KAZN: variants seen among roughly 807,000 people sequenced by gnomAD.
The protein encoded by KAZN is kazrin.
In KAZN, 40 loss-of-function variants were observed where a neutral mutation model predicts 87.4. The observed-to-expected ratio is 0.46, with a 90% CI of 0.36 to 0.60. KAZN has a LOEUF of 0.60. Ranked by LOEUF, KAZN falls within the 20% of genes least tolerant of loss-of-function variation. KAZN has a pLI of 0.00. For synonymous variants in KAZN, 466 were observed against 458.3 expected, an observed-to-expected ratio of 1.02 and a Z score of -0.22; for missense variants, 898 against 1,073.9, an observed-to-expected ratio of 0.84 and a Z score of 2.29.
intron 1 of KAZN, among the ~76,000 whole-genome samples, chr1:14,842,780 A>T (rs1466560124): frequency 1.3e-5 from 2 of 152,354 alleles, no homozygotes; most frequent in East Asian, 3.9e-4. Flanking sequence ...AAAGTAATAC[A>T]TGCACATAAT....
chr1:15,041,617 A>G (rs1672942366), intron 3 of KAZN, among the ~76,000 whole-genome samples: 1 of 152,068 alleles, frequency 6.6e-6, no homozygotes, highest in Non-Finnish European at 1.5e-5. Flanking sequence ...GACTACAGGC[A>G]TGAGCCACTG....
chr1:14,382,564 C>A (rs1414681068), intron 2 of KAZN, among the ~76,000 whole-genome samples: 1 of 146,104 alleles, frequency 6.8e-6, no homozygotes, highest in African/African-American at 2.5e-5. Flanking sequence ...TGAGAATATG[C>A]GGTGTTTGGT....
intron 1 of KAZN, among the ~76,000 whole-genome samples, chr1:14,883,353 A>AG (rs1557586348): frequency 0.017 from 622 of 35,770 alleles, 161 homozygotes; most frequent in Admixed American, 0.03. Flanking sequence ...AAAGAAAGAA[A>AG]GAAAAGAAAG....
At chr1:14,390,621 G>A (rs750331910) in intron 2 of KAZN, 4 of 152,314 alleles carry the variant, frequency 2.6e-5, no homozygotes, top group Admixed American at 6.5e-5. Context: ...CAGAGAGGTG[G>A]TGTCTTAGTC....
intron 1 of KAZN, among the ~76,000 whole-genome samples, chr1:14,720,439 G>A (rs565178731): frequency 6.6e-6 from 1 of 152,238 alleles, no homozygotes; most frequent in East Asian, 1.9e-4. Context: ...TGCCCCAAAA[G>A]GTTCTTGTCT....
In KAZN at chr1:15,094,457, C is replaced by G. The variant is rs1640710448; in HGVS notation, c.1428+72C>G. 7.3e-7 allele frequency: 1 copy of G among 1,375,208 alleles called. No individual in the cohort carries two copies. Among genetic ancestry groups the G allele is most frequent in the Non-Finnish European group, 1.0e-6 (1 of 997,802 alleles). 85.2% of individuals were successfully genotyped at this position (1,375,208 alleles called of 1,614,324 possible). A position where few individuals can be genotyped will look rare whatever the true frequency, so the allele number is the denominator to read the frequency against. On this transcript the variant is annotated intron_variant, in intron 9 of 14. Coordinates refer to ENST00000376030, the MANE Select transcript of KAZN (RefSeq NM_201628.3). This position sits in a 1 kb window ranked among gnomAD's most constrained non-coding sequence, Gnocchi z 4.5. ...GAGCTTTACGTACCCAGAAGCTGGC[C>G]TGCCCCCCACTCCTACCCTGGAGTC...
intron 2 of KAZN, among the ~76,000 whole-genome samples, chr1:14,579,770 A>G (rs1005489306): frequency 3.9e-5 from 6 of 152,182 alleles, no homozygotes; most frequent in Non-Finnish European, 8.8e-5. Context: ...ATTGCTGGGT[A>G]AGAAGCAGCA....
At chr1:14,584,882 A>G (rs1260534124) in intron 2 of KAZN, among the ~76,000 whole-genome samples, 1 of 152,200 alleles carries the variant, frequency 6.6e-6, no homozygotes, top group Admixed American at 6.5e-5. Context: ...ACCTCTGGTG[A>G]TCCTCCTGCC....
intron 1 of KAZN, among the ~76,000 whole-genome samples, chr1:13,918,110 G>A (rs149733527): frequency 6.6e-6 from 1 of 152,338 alleles, no homozygotes; most frequent in Non-Finnish European, 1.5e-5. Flanking sequence ...TTCAAGTCTT[G>A]CTATTTAAGA....
At chr1:14,231,045 A>C (rs59190064) in intron 2 of KAZN, among the ~76,000 whole-genome samples, 15,807 of 152,226 alleles carry the variant, frequency 0.1, 1,802 homozygotes, top group African/African-American at 0.27. Context: ...TTGAAGTATT[A>C]GCATGGTGCC....
At chr1:14,890,826 G>A (rs1654628095) in intron 1 of KAZN, among the ~76,000 whole-genome samples, 1 of 139,786 alleles carries the variant, frequency 7.2e-6, no homozygotes, top group Non-Finnish European at 1.5e-5. Context: ...ACTGTGCCCA[G>A]CCAGGAATCT....
chr1:14,764,224 T>C (rs1355017353), intron 1 of KAZN, among the ~76,000 whole-genome samples: 2 of 152,068 alleles, frequency 1.3e-5, no homozygotes, highest in Non-Finnish European at 2.9e-5. Context: ...GGCCTTTGCA[T>C]GGGCTGTACT....
At chr1:14,468,404 T>C (rs1668277254) in intron 2 of KAZN, among the ~76,000 whole-genome samples, 1 of 152,090 alleles carries the variant, frequency 6.6e-6, no homozygotes, top group African/African-American at 2.4e-5. Flanking sequence ...CCCCAGGAAC[T>C]ACATGGGGCT....
At chr1:15,052,298 G>A (rs1466709501) in intron 4 of KAZN, among the ~76,000 whole-genome samples, 1 of 152,138 alleles carries the variant, frequency 6.6e-6, no homozygotes, top group African/African-American at 2.4e-5. Flanking sequence ...AGGTGAAGGA[G>A]GAGCAAAGGC....
At position 14,392,251 on chromosome 1, in the gene KAZN, G is replaced by A. The variant is rs183709179; in HGVS notation, c.250-206732G>A. ...CCTTATGTCTTTGTCAAAAGTTTTAGAAAGAAAAGGTAAGTGTATATGGGG... is the reference window on the plus strand; with the variant it reads ...CCTTATGTCTTTGTCAAAAGTTTTAAAAAGAAAAGGTAAGTGTATATGGGG... On this transcript the variant is annotated intron_variant, in intron 2 of 16. Coordinates refer to the KAZN transcript ENST00000636203. Among the ~76,000 whole-genome samples the A allele has an allele frequency of 6.6e-5, 10 of 152,168 alleles. 1 individual carries two copies. Among genetic ancestry groups the A allele is most frequent in the Admixed American group, 6.5e-4 (10 of 15,292 alleles).
At chr1:15,049,601 G>A (rs1001374899) in intron 4 of KAZN, among the ~76,000 whole-genome samples, 10 of 152,172 alleles carry the variant, frequency 6.6e-5, no homozygotes, top group Non-Finnish European at 1.2e-4. Flanking sequence ...AGAATCAGAC[G>A]TTCCTATCTG....
At chr1:15,012,057 G>T (rs1464718588) in intron 2 of KAZN, among the ~76,000 whole-genome samples, 1 of 152,154 alleles carries the variant, frequency 6.6e-6, no homozygotes, top group African/African-American at 2.4e-5. Flanking sequence ...AACACCATGG[G>T]CACTCTTGCA....
At chr1:14,950,982 A>C (rs1662408083) in intron 1 of KAZN, among the ~76,000 whole-genome samples, 2 of 152,290 alleles carry the variant, frequency 1.3e-5, no homozygotes. Context: ...TCCTATGTTT[A>C]ACTGCATGTT....
At chr1:14,850,186 A>C (rs35926767) in intron 1 of KAZN, among the ~76,000 whole-genome samples, 1 of 152,136 alleles carries the variant, frequency 6.6e-6, no homozygotes, top group Admixed American at 6.5e-5. Context: ...CGCCTGCCTC[A>C]GCCTCCCAAA....
Sources: gnomAD v4.1 joint callset for allele counts (sites outside exome capture counted in the v4.1 genomes callset) on GRCh38, gnomAD v4.1.1 for gene constraint, Gnocchi (gnomAD v3.1) non-coding constraint, MANE v1.5 for transcripts, NCBI Gene and HGNC (gene_info 2026-07-23, HGNC 2026-07-21) for gene names.